ANKRD11: variants seen among roughly 807,000 people sequenced by gnomAD.
The protein encoded by ANKRD11 is ankyrin repeat domain 11.
Under a neutral mutation model 195.7 loss-of-function variants are expected in ANKRD11, and 17 were observed. That is an observed-to-expected ratio of 0.09 (90% confidence interval 0.06 to 0.13). ANKRD11 has a LOEUF of 0.13. ANKRD11 is among the 10% of genes least tolerant of loss of function. ANKRD11 has a pLI of 1.00. For synonymous variants in ANKRD11, 1,953 were observed against 1,528.1 expected, an observed-to-expected ratio of 1.28 and a Z score of -6.49; for missense variants, 3,735 against 3,566.1, an observed-to-expected ratio of 1.05 and a Z score of -1.21.
At chr16:89,424,581 A>C (rs1050413195) in intron 1 of ANKRD11, among the ~76,000 whole-genome samples, 5 of 152,134 alleles carry the variant, frequency 3.3e-5, no homozygotes, top group Admixed American at 2.6e-4. Context: ...CACCACGGAG[A>C]CCACTCAGCA....
intron 2 of ANKRD11, among the ~76,000 whole-genome samples, chr16:89,417,958 A>C (rs896173605): frequency 2.0e-5 from 3 of 152,254 alleles, no homozygotes; most frequent in Non-Finnish European, 4.4e-5. Flanking sequence ...GGTCTCAGTC[A>C]TCACCAGACC....
intron 2 of ANKRD11, among the ~76,000 whole-genome samples, chr16:89,345,242 C>T (rs1486222677): frequency 1.3e-5 from 2 of 151,652 alleles, no homozygotes; most frequent in Admixed American, 1.3e-4. Flanking sequence ...AAACATATTA[C>T]AAGCCCCCCC....
intron 1 of ANKRD11, among the ~76,000 whole-genome samples, chr16:89,470,972 G>A (rs772369289): frequency 8.6e-5 from 13 of 151,986 alleles, no homozygotes; most frequent in Admixed American, 4.6e-4. Flanking sequence ...CAGCCTGGGC[G>A]ACAGAGCGAG....
chr16:89,324,921 T>G, intron 2 of ANKRD11: 1 of 215,508 alleles, frequency 4.6e-6, no homozygotes, highest in South Asian at 6.4e-5. Flanking sequence ...ATATATACAT[T>G]TATCCTATTA....
At chr16:89,365,636 A>G (rs892166385) in intron 2 of ANKRD11, among the ~76,000 whole-genome samples, 1 of 152,328 alleles carries the variant, frequency 6.6e-6, no homozygotes, top group African/African-American at 2.4e-5. Context: ...GAAGAGCAGT[A>G]AGCCAAGTAG....
At chr16:89,479,891 C>G (rs561078237) in intron 1 of ANKRD11, among the ~76,000 whole-genome samples, 2 of 142,264 alleles carry the variant, frequency 1.4e-5, no homozygotes, top group African/African-American at 5.3e-5. Flanking sequence ...TGCAGTGAGC[C>G]GAGATTGTGC....
In ANKRD11 at chr16:89,325,463, TCTCTCTCACACA is replaced by T. The variant is rs1567649796; in HGVS notation, c.-59-8397_-59-8386del. 3.3e-3 allele frequency among the ~76,000 whole-genome samples: 461 copies of T among 139,384 alleles called. 1 individual carries two copies. Among genetic ancestry groups the T allele is most frequent in the African/African-American group, 0.013 (447 of 34,000 alleles). 91.4% of individuals were successfully genotyped at this position (139,384 alleles called of 152,430 possible). On this transcript the variant is annotated intron_variant, in intron 2 of 12. Coordinates refer to ENST00000301030, the MANE Select transcript of ANKRD11 (RefSeq NM_013275.6). Reference sequence around the variant, plus strand: ...CTCTCCCCTCTCCTCTCTCTCTCTCTCTCTCTCACACACACACACACACACACACACAGAGTA... The same window carrying T: ...CTCTCCCCTCTCCTCTCTCTCTCTCTCACACACACACACACACACAGAGTA...
At chr16:89,349,069 A>G (rs1156641801) in intron 2 of ANKRD11, among the ~76,000 whole-genome samples, 1 of 137,922 alleles carries the variant, frequency 7.3e-6, no homozygotes, top group African/African-American at 2.7e-5. Context: ...CGGAGGTTAC[A>G]GTGAGTCTAG....
intron 2 of ANKRD11, among the ~76,000 whole-genome samples, chr16:89,415,277 T>TC (rs2152221395): frequency 7.2e-6 from 1 of 139,144 alleles, no homozygotes; most frequent in Non-Finnish European, 1.5e-5. Flanking sequence ...TTTTTTTTTT[T>TC]TTTTTGAGAT....
chr16:89,442,819 G>A (rs1425762273), intron 1 of ANKRD11, among the ~76,000 whole-genome samples: 2 of 152,242 alleles, frequency 1.3e-5, no homozygotes, highest in Admixed American at 6.5e-5. Flanking sequence ...TCACGGCCTG[G>A]TGAGCCTCCG....
At chr16:89,342,853 G>A (rs994022625) in intron 2 of ANKRD11, among the ~76,000 whole-genome samples, 2 of 152,114 alleles carry the variant, frequency 1.3e-5, no homozygotes, top group Admixed American at 6.6e-5. Context: ...TTCTGTGATC[G>A]TTTATGCCCA....
At chr16:89,443,255 T>C (rs1438698018) in intron 1 of ANKRD11, 1 of 152,082 alleles carries the variant, frequency 6.6e-6, no homozygotes, top group Non-Finnish European at 1.5e-5. Context: ...GTGAGCCACC[T>C]CACCCGGCCT....
At chr16:89,411,977 C>A in intron 2 of ANKRD11, among the ~76,000 whole-genome samples, 1 of 125,460 alleles carries the variant, frequency 8.0e-6, no homozygotes, top group African/African-American at 3.1e-5. Flanking sequence ...CAGCCAGGTA[C>A]TGGGCTGAGA....
chr16:89,403,134 G>A (rs997764890), intron 2 of ANKRD11, among the ~76,000 whole-genome samples: 2 of 152,160 alleles, frequency 1.3e-5, no homozygotes, highest in African/African-American at 2.4e-5. Context: ...ACGTGCCCTC[G>A]TGCTTTCAGG....
intron 6 of ANKRD11, 174 bp from the exon 7 acceptor site, chr16:89,288,844 T>C: frequency 1.2e-6 from 1 of 819,756 alleles, no homozygotes; most frequent in Non-Finnish European, 2.0e-6. Flanking sequence ...ACCCCTAAAT[T>C]CTCTTTACTG....
At chr16:89,442,655 T>C (rs980060076) in intron 1 of ANKRD11, among the ~76,000 whole-genome samples, 3 of 152,192 alleles carry the variant, frequency 2.0e-5, no homozygotes, top group Admixed American at 1.3e-4. Context: ...GAGGCCTGTG[T>C]CCCACAAAGG....
intron 6 of ANKRD11, among the ~76,000 whole-genome samples, chr16:89,290,244 G>A (rs76980361): frequency 0.015 from 355 of 24,338 alleles, 8 homozygotes; most frequent in African/African-American, 0.022. Flanking sequence ...CAGGGCTCCA[G>A]CGGGGGGTAG....
chr16:89,280,139 G>A lies in ANKRD11; in HGVS notation c.6403C>T (p.Pro2135Ser), dbSNP rs576866773. ...AGPEDDLDLG[P>S]FSLPELPLQT... ...AGGGGAAGCTCCGGCAGGGAGAAGGGCCCCAGGTCCAGGTCGTCCTCGGGG... is the reference window on the plus strand; with the variant it reads ...AGGGGAAGCTCCGGCAGGGAGAAGGACCCCAGGTCCAGGTCGTCCTCGGGG... The change falls in exon 9 of 13, where the codon CCC (proline) becomes TCC (serine). Residue 2135 changes from proline (P) to serine (S), a missense_variant. By Grantham distance (74) the Pro-to-Ser change is moderately conservative (BLOSUM62 -1). Transcript: ENST00000301030. The A allele has an allele frequency of 5.6e-6, 9 of 1,611,806 alleles. No individual in the cohort carries two copies. The highest frequency in any genetic ancestry group is 2.7e-5 in the African/African-American group (2 of 75,034).
rs529442834 is a variant in ANKRD11 at position 89,422,604 on chromosome 16, C to A, written c.-144-4236G>T. ...ACCCCACCTCTTTCAACGCCCTGGGCTCTCCCCTCGCTTTGTTGCATGAGA... is the reference window on the plus strand; with the variant it reads ...ACCCCACCTCTTTCAACGCCCTGGGATCTCCCCTCGCTTTGTTGCATGAGA... On this transcript the variant is annotated intron_variant, in intron 1 of 12. Coordinates refer to ENST00000301030, the MANE Select transcript of ANKRD11 (RefSeq NM_013275.6). Among the ~76,000 whole-genome samples, 7 of 152,306 alleles carry A rather than the reference C, an allele frequency of 4.6e-5. No homozygotes were observed. In the South Asian group the frequency reaches 1.5e-3, roughly 32 times the overall value.
Sources: allele counts gnomAD v4.1 joint callset (sites outside exome capture counted in the v4.1 genomes callset), GRCh38; gene constraint gnomAD v4.1.1; transcripts MANE v1.5; gene names NCBI Gene and HGNC (gene_info 2026-07-23, HGNC 2026-07-21).